FAM110B: variants seen among roughly 807,000 people sequenced by gnomAD.
FAM110B encodes the protein family with sequence similarity 110 member B.
FAM110B carries 6 observed loss-of-function variants against 20.4 expected under a neutral mutation model. The ratio of observed to expected loss-of-function variants is 0.29; its 90% confidence interval spans 0.16 to 0.58. The LOEUF is 0.58. FAM110B is among the 20% of genes least tolerant of loss of function. FAM110B has a pLI of 0.90. For missense variants in FAM110B, 434 were observed against 498.2 expected (o/e 0.87, Z 1.23); for synonymous variants, 226 against 214.1 (o/e 1.06, Z -0.49).
intron 3 of FAM110B, among the ~76,000 whole-genome samples, chr8:58,084,414 G>T (rs544711542): frequency 5.6e-4 from 82 of 145,578 alleles, no homozygotes; most frequent in Non-Finnish European, 1.1e-3. Flanking sequence ...TTTTTGAGAC[G>T]GAGTCTCACT....
intron 1 of FAM110B, among the ~76,000 whole-genome samples, chr8:58,030,558 A>C (rs927746537): frequency 9.2e-6 from 1 of 108,866 alleles, no homozygotes; most frequent in African/African-American, 4.4e-5. Flanking sequence ...CATAGATCTT[A>C]ATGAAGTAGT....
chr8:58,055,645 G>A (rs533255768), intron 2 of FAM110B, among the ~76,000 whole-genome samples: 2 of 152,180 alleles, frequency 1.3e-5, no homozygotes, highest in Admixed American at 6.5e-5. Context: ...TGACAGAAGT[G>A]ACTTTTTTCT....
chr8:58,147,497 C>A lies in FAM110B; in HGVS notation c.*154C>A. On this transcript the variant is annotated 3_prime_UTR_variant, in exon 4 of 4. Coordinates refer to ENST00000519262, the MANE Select transcript of FAM110B (RefSeq NM_001377989.1). ...CATGCTTGTCAACATGGGGACTGAC[C>A]TGGCTTCCACGTCACCATCGCTACA... 1.1e-6 allele frequency: 1 copy of A among 936,718 alleles called. No homozygotes were observed. 58.0% of individuals were successfully genotyped at this position (936,718 alleles called of 1,614,324 possible). A position where few individuals can be genotyped will look rare whatever the true frequency, so the allele number is the denominator to read the frequency against.
chr8:58,106,583 C>T (rs770122530), intron 3 of FAM110B, among the ~76,000 whole-genome samples: 2 of 152,096 alleles, frequency 1.3e-5, no homozygotes, highest in Non-Finnish European at 2.9e-5. Flanking sequence ...CCAGGGAAGG[C>T]AGACTTATCA....
chr8:58,082,425 G>T (rs1806221422), intron 3 of FAM110B, among the ~76,000 whole-genome samples: 1 of 152,128 alleles, frequency 6.6e-6, no homozygotes, highest in Admixed American at 6.5e-5. Flanking sequence ...TCCCATGTTG[G>T]CTTCTTATCC....
In FAM110B at chr8:58,147,613, TG is replaced by T. The variant is rs1191571466; in HGVS notation, c.*272del. 2.2e-4 allele frequency: 101 copies of T among 464,002 alleles called. No homozygotes were observed. Among genetic ancestry groups the T allele is most frequent in the African/African-American group, 1.7e-3 (87 of 51,130 alleles). 28.7% of individuals were successfully genotyped at this position (464,002 alleles called of 1,614,324 possible). A position where few individuals can be genotyped will look rare whatever the true frequency, so the allele number is the denominator to read the frequency against. On this transcript the variant is annotated 3_prime_UTR_variant, in exon 4 of 4. Coordinates refer to ENST00000519262, the MANE Select transcript of FAM110B (RefSeq NM_001377989.1). ...GTAAGCAAAACTGTTTACATGAAAA[TG>T]GTATACAACTTCTTCGATATTTATG...
At chr8:58,143,442 A>C (rs1803785241) in intron 3 of FAM110B, among the ~76,000 whole-genome samples, 1 of 152,240 alleles carries the variant, frequency 6.6e-6, no homozygotes, top group African/African-American at 2.4e-5. Context: ...AAGGGGTAGA[A>C]GCCAAAAGGA....
chr8:58,056,367 T>G (rs1039070534), intron 2 of FAM110B, among the ~76,000 whole-genome samples: 2 of 152,236 alleles, frequency 1.3e-5, no homozygotes, highest in African/African-American at 4.8e-5. Flanking sequence ...AATATTTGGC[T>G]TTCTAGTGCC....
In FAM110B at chr8:58,047,297, G is replaced by T. The variant is rs548700769; in HGVS notation, c.-414+15594G>T. On this transcript the variant is annotated intron_variant, in intron 2 of 3. Transcript: ENST00000519262. ...TTGGCCCAGGAGTCTCAGCCTATCT[G>T]CAGAGAAGAGGTAAATATTAAGTAC... Among the ~76,000 whole-genome samples, 3 of 152,260 alleles carry T rather than the reference G, an allele frequency of 2.0e-5. No homozygotes were observed. In the South Asian group the frequency reaches 6.2e-4, roughly 32 times the overall value.
intron 1 of FAM110B, among the ~76,000 whole-genome samples, chr8:58,001,242 G>A (rs1194962108): frequency 6.6e-6 from 1 of 152,090 alleles, no homozygotes; most frequent in Non-Finnish European, 1.5e-5. Flanking sequence ...TATTTTGTGG[G>A]TAGTTGAAAT....
intron 3 of FAM110B, among the ~76,000 whole-genome samples, chr8:58,078,320 T>C (rs1806087462): frequency 6.6e-6 from 1 of 152,216 alleles, no homozygotes; most frequent in Non-Finnish European, 1.5e-5. Flanking sequence ...AGTTTGTTCA[T>C]CCTAGAATAT....
chr8:58,098,956 C>G (rs775063822), intron 3 of FAM110B: 2 of 152,390 alleles, frequency 1.3e-5, no homozygotes, highest in African/African-American at 4.8e-5. Context: ...AGCTGCAGAC[C>G]AGAGCTGTTC....
At chr8:58,036,812 C>T (rs144184520) in intron 2 of FAM110B, among the ~76,000 whole-genome samples, 1 of 152,296 alleles carries the variant, frequency 6.6e-6, no homozygotes, top group Admixed American at 6.5e-5. Flanking sequence ...GAAGAGCAAA[C>T]CCCTTAAGCA....
chr8:58,122,023 T>C (rs1807374542), intron 3 of FAM110B, among the ~76,000 whole-genome samples: 1 of 152,184 alleles, frequency 6.6e-6, no homozygotes, highest in Non-Finnish European at 1.5e-5. Context: ...GCCTCCTAAG[T>C]AAAGGGGCCT....
intron 1 of FAM110B, among the ~76,000 whole-genome samples, chr8:57,998,437 C>T (rs1054388701): frequency 6.6e-6 from 1 of 152,224 alleles, no homozygotes; most frequent in African/African-American, 2.4e-5. Flanking sequence ...CACTTAAGTA[C>T]ATCAGAGGGG....
chr8:58,077,488 A>G (rs765621133), intron 3 of FAM110B, among the ~76,000 whole-genome samples: 3 of 152,202 alleles, frequency 2.0e-5, no homozygotes, highest in Non-Finnish European at 2.9e-5. Flanking sequence ...TGGCCAGGGA[A>G]GAACTACAGA....
rs1245889430 is a variant in FAM110B, at chr8:58,146,727, A to G, written c.497A>G (p.Tyr166Cys). The change falls in exon 4 of 4, where the codon TAC becomes TGC. Residue 166 changes from tyrosine to cysteine, a missense_variant. Physicochemically the swap from Tyr to Cys is radical, Grantham distance 194. Around this residue, in one of 3 missense-constraint regions of FAM110B, gnomAD observed 284 missense variants for 278.3 expected, o/e 1.02. Coordinates refer to ENST00000519262, the MANE Select transcript of FAM110B (RefSeq NM_001377989.1). ...TCCTTCGCGGAGTCCCTGAAGGTCTACCCCACGCAGGGCCGCAGGAGCCCG... is the reference window on the plus strand; with the variant it reads ...TCCTTCGCGGAGTCCCTGAAGGTCTGCCCCACGCAGGGCCGCAGGAGCCCG... Reference protein sequence around the residue: ...RHSFAESLKVYPTQGRRSPQE... With the variant: ...RHSFAESLKVCPTQGRRSPQE... The G allele has an allele frequency of 1.2e-6, 2 of 1,611,986 alleles. No individual in the cohort carries two copies. Among genetic ancestry groups the G allele is most frequent in the East Asian group, 2.2e-5 (1 of 44,800 alleles).
chr8:58,011,107 A>G (rs1430080704), intron 1 of FAM110B, among the ~76,000 whole-genome samples: 3 of 152,212 alleles, frequency 2.0e-5, no homozygotes, highest in African/African-American at 2.4e-5. Flanking sequence ...TTAGGAATCT[A>G]CTGAGCTCTT....
At chr8:58,017,677 G>C (rs1352544222) in intron 1 of FAM110B, among the ~76,000 whole-genome samples, 1 of 152,202 alleles carries the variant, frequency 6.6e-6, no homozygotes, top group Non-Finnish European at 1.5e-5. Context: ...TGTTTTCAAA[G>C]TCTCTAAAAA....
Sources: allele counts gnomAD v4.1 joint callset (sites outside exome capture counted in the v4.1 genomes callset), GRCh38; gene constraint gnomAD v4.1.1; regional missense constraint gnomAD v4.1.1; transcripts MANE v1.5; gene names NCBI Gene and HGNC (gene_info 2026-07-23, HGNC 2026-07-21).